Variants in PLCB1 observed in about 807,000 individuals in gnomAD.
PLCB1 encodes the protein 1-phosphatidylinositol 4,5-bisphosphate phosphodiesterase beta-1.
PLCB1 carries 46 observed loss-of-function variants against 161.8 expected under a neutral mutation model. That is an observed-to-expected ratio of 0.28 (90% CI 0.22 to 0.36). PLCB1 has a LOEUF of 0.36. Ranked by LOEUF, PLCB1 falls within the 10% of genes least tolerant of loss-of-function variation. The pLI, the probability that PLCB1 is intolerant of heterozygous loss-of-function variation, is 1.00. For missense variants in PLCB1, 1,016 were observed against 1,472.5 expected (o/e 0.69, Z 5.07); for synonymous variants, 517 against 503.7 (o/e 1.03, Z -0.35).
At chr20:8,273,557 C>T (rs1195362222) in intron 2 of PLCB1, among the ~76,000 whole-genome samples, 3 of 152,130 alleles carry the variant, frequency 2.0e-5, no homozygotes, top group Non-Finnish European at 4.4e-5. Context: ...CACTTCAAAG[C>T]ATCCAGCCCG....
At chr20:8,203,982 C>T (rs939337499) in intron 2 of PLCB1, among the ~76,000 whole-genome samples, 1 of 152,146 alleles carries the variant, frequency 6.6e-6, no homozygotes, top group Admixed American at 6.6e-5. Flanking sequence ...CCTCTTGGTG[C>T]CTTCTGGGGT....
At chr20:8,820,373 T>TA (rs1985282911) in intron 31 of PLCB1, among the ~76,000 whole-genome samples, 1 of 152,016 alleles carries the variant, frequency 6.6e-6, no homozygotes, top group Non-Finnish European at 1.5e-5. Context: ...ATTGGCAACA[T>TA]ATAAATAGGC....
intron 3 of PLCB1, among the ~76,000 whole-genome samples, chr20:8,626,269 A>G (rs1988343792): frequency 6.6e-6 from 1 of 151,996 alleles, no homozygotes; most frequent in African/African-American, 2.4e-5. Context: ...CATGTTTCTT[A>G]TAAATTCTTA....
At chr20:8,792,852 A>T in intron 31 of PLCB1, 1 of 335,824 alleles carries the variant, frequency 3.0e-6, no homozygotes, top group South Asian at 2.5e-5. Flanking sequence ...AGCAATAGAC[A>T]GTAGAGTAAA....
intron 3 of PLCB1, among the ~76,000 whole-genome samples, chr20:8,594,880 G>A: frequency 6.6e-6 from 1 of 152,046 alleles, no homozygotes; most frequent in South Asian, 2.1e-4. Flanking sequence ...CCCAAATTAG[G>A]TGTTTAAAAA....
intron 2 of PLCB1, among the ~76,000 whole-genome samples, chr20:8,246,496 A>G (rs1483175798): frequency 6.6e-6 from 1 of 151,966 alleles, no homozygotes. Context: ...CTGACACAGC[A>G]TGGTTTCCAC....
rs761405239 is a variant in PLCB1, at chr20:8,485,282, T to C, written c.246+113832T>C. On this transcript the variant is annotated intron_variant, in intron 3 of 31. Transcript: ENST00000338037. Reference sequence around the variant, plus strand: ...CCTTCACAAAACTCATTTGTCTCCATTGGGTTTTTTATAAGCTCTGGAAAA... The same window carrying C: ...CCTTCACAAAACTCATTTGTCTCCACTGGGTTTTTTATAAGCTCTGGAAAA... Among the ~76,000 whole-genome samples the C allele has an allele frequency of 7.8e-4, 118 of 152,194 alleles. 1 individual carries two copies. The highest frequency in any genetic ancestry group is 1.4e-3 in the Non-Finnish European group (96 of 68,024).
intron 3 of PLCB1, among the ~76,000 whole-genome samples, chr20:8,551,472 A>G (rs1600147310): frequency 6.6e-6 from 1 of 152,172 alleles, no homozygotes; most frequent in Non-Finnish European, 1.5e-5. Flanking sequence ...TGGCACAGAT[A>G]TGTTCTTCGA....
At chr20:8,824,772 T>C (rs959999789) in intron 31 of PLCB1, among the ~76,000 whole-genome samples, 11 of 152,048 alleles carry the variant, frequency 7.2e-5, no homozygotes, top group Admixed American at 7.2e-4. Flanking sequence ...CATGCATCAC[T>C]GAAAGATAAA....
intron 4 of PLCB1, among the ~76,000 whole-genome samples, chr20:8,632,035 C>CTTTTTTTTTTTGTTTTTTTTTTTT (rs1568537430): frequency 1.1e-4 from 5 of 45,982 alleles, no homozygotes; most frequent in Non-Finnish European, 1.5e-4. Flanking sequence ...GTTTTTTTTG[C>CTTTTTTTTTTTGTTTTTTTTTTTT]TTTTTTTTTT....
chr20:8,804,808 G>A (rs1984447980), intron 31 of PLCB1, among the ~76,000 whole-genome samples: 1 of 151,942 alleles, frequency 6.6e-6, no homozygotes, highest in African/African-American at 2.4e-5. Context: ...TGACCAAAAT[G>A]GTGAAACCCC....
At chr20:8,665,354 GAAC>G (rs1424218618) in intron 9 of PLCB1, among the ~76,000 whole-genome samples, 2 of 152,160 alleles carry the variant, frequency 1.3e-5, no homozygotes, top group Non-Finnish European at 2.9e-5. Flanking sequence ...TCATTTACCT[GAAC>G]TAATGAAAAG....
intron 3 of PLCB1, among the ~76,000 whole-genome samples, chr20:8,532,138 A>G (rs192121806): frequency 7.2e-5 from 11 of 152,282 alleles, no homozygotes; most frequent in Non-Finnish European, 1.2e-4. Context: ...TGCCAGTCTA[A>G]TATATTTTAC....
intron 9 of PLCB1, among the ~76,000 whole-genome samples, chr20:8,664,778 C>G (rs561088902): frequency 3.3e-5 from 5 of 152,224 alleles, no homozygotes; most frequent in South Asian, 4.1e-4. Flanking sequence ...CATACTGGCT[C>G]TAGTTCTTGG....
At chr20:8,471,825 C>A (rs1339620631) in intron 3 of PLCB1, among the ~76,000 whole-genome samples, 1 of 152,058 alleles carries the variant, frequency 6.6e-6, no homozygotes, top group Non-Finnish European at 1.5e-5. Context: ...TCAAGAACAG[C>A]AACTTTTTCA....
intron 9 of PLCB1, among the ~76,000 whole-genome samples, chr20:8,675,305 C>A (rs780309326): frequency 6.6e-6 from 1 of 152,148 alleles, no homozygotes; most frequent in Non-Finnish European, 1.5e-5. Context: ...CTATTTCCCA[C>A]CTAATAAGTA....
intron 31 of PLCB1, among the ~76,000 whole-genome samples, chr20:8,833,708 C>T (rs940738348): frequency 6.6e-6 from 1 of 152,170 alleles, no homozygotes; most frequent in African/African-American, 2.4e-5. Flanking sequence ...TTCTGGCCTC[C>T]AGAACTGTGA....
intron 1 of PLCB1, among the ~76,000 whole-genome samples, chr20:8,145,613 A>G (rs1204471104): frequency 2.0e-5 from 3 of 152,210 alleles, no homozygotes; most frequent in African/African-American, 7.2e-5. Context: ...TAAAACCATA[A>G]ACTGCCTTGC....
intron 3 of PLCB1, among the ~76,000 whole-genome samples, chr20:8,539,625 T>TTTCTTTCTTTCTTTCC (rs746764120): frequency 0.11 from 7,484 of 70,600 alleles, 661 homozygotes; most frequent in African/African-American, 0.21. Flanking sequence ...ATTTTCTTTC[T>TTTCTTTCTTTCTTTCC]TTCTTTCTTT....
Sources: allele counts gnomAD v4.1 joint callset (sites outside exome capture counted in the v4.1 genomes callset), GRCh38; gene constraint gnomAD v4.1.1; transcripts MANE v1.5; gene names NCBI Gene and HGNC (gene_info 2026-07-23, HGNC 2026-07-21).